Variants in TASP1 observed in about 807,000 individuals in gnomAD.
TASP1 encodes threonine aspartase 1.
Under a neutral mutation model 56.6 loss-of-function variants are expected in TASP1, and 16 were observed. The observed-to-expected ratio is 0.28, with a 90% CI of 0.19 to 0.43. The LOEUF (loss-of-function observed/expected upper bound fraction) is 0.43, where lower values mean the gene tolerates loss of function less well. Among genes scored for constraint, TASP1 ranks in the 20% least tolerant of loss-of-function variants. TASP1 has a pLI of 1.00. For missense variants in TASP1, 393 were observed against 511.6 expected (o/e 0.77, Z 2.24); for synonymous variants, 179 against 184.2 (o/e 0.97, Z 0.23).
chr20:13,372,557 A>G, the TASP1 span, among the ~76,000 whole-genome samples: 1 of 151,338 alleles, frequency 6.6e-6, no homozygotes, highest in African/African-American at 2.4e-5. Context: ...GTAATTTTAT[A>G]TATATACATA....
chr20:13,469,792 C>CTTTTTT lies in TASP1; in HGVS notation c.985+13429_985+13434dup, dbSNP rs546419566. Among the ~76,000 whole-genome samples, 384 of 39,554 alleles carry CTTTTTT rather than the reference C, an allele frequency of 9.7e-3. 88 individuals are homozygous for CTTTTTT. The highest frequency in any genetic ancestry group is 0.017 in the East Asian group (17 of 1,010). The allele number at this position is 39,554 out of a possible 152,430, so 25.9% of individuals were successfully genotyped here. A position where few individuals can be genotyped will look rare whatever the true frequency, so the allele number is the denominator to read the frequency against. On this transcript the variant is annotated intron_variant, in intron 11 of 13. Transcript: ENST00000337743. ...ACAGTTGTCCAGGTCAATAAATGTC[C>CTTTTTT]TTTTTTTTTTTTTTTTTTTTTTTTT...
intron 13 of TASP1, 114 bp downstream of exon 13, chr20:13,417,330 GACCA>G: frequency 1.1e-6 from 1 of 876,432 alleles, no homozygotes; most frequent in Non-Finnish European, 1.8e-6. Context: ...TGCTTATGAA[GACCA>G]CAAAGCTACT....
chr20:13,516,559 A>G (rs1291837248), intron 10 of TASP1, among the ~76,000 whole-genome samples: 2 of 152,032 alleles, frequency 1.3e-5, no homozygotes, highest in East Asian at 3.9e-4. Flanking sequence ...CCACAATGGG[A>G]AGGAAAAGGC....
rs7274840 is a variant in TASP1 at position 13,540,868 on chromosome 20, T to C, written c.676-6727A>G. Among the ~76,000 whole-genome samples, 771 of 152,214 alleles carry C rather than the reference T, an allele frequency of 5.1e-3. 4 individuals carry two copies. Among genetic ancestry groups the C allele is most frequent in the African/African-American group, 0.015 (629 of 41,530 alleles). On this transcript the variant is annotated intron_variant, in intron 8 of 13. Transcript: ENST00000337743. ...GCATGCATTTTACTGTGTGTAAATT[T>C]TACCTGTAAAAAAGGCAAAAAAAAA...
intron 12 of TASP1, among the ~76,000 whole-genome samples, chr20:13,421,104 CCTTCT>C (rs1284860866): frequency 1.5e-5 from 2 of 137,742 alleles, no homozygotes; most frequent in African/African-American, 2.6e-5. Flanking sequence ...ATAGCGTTTT[CCTTCT>C]TTTTTTTTTT....
chr20:13,274,108 C>G, the TASP1 span, among the ~76,000 whole-genome samples: 1 of 151,922 alleles, frequency 6.6e-6, no homozygotes, highest in Non-Finnish European at 1.5e-5. Context: ...CACAAACACA[C>G]CCACACACCA....
At chr20:13,451,750 T>C (rs2043627931) in intron 11 of TASP1, among the ~76,000 whole-genome samples, 1 of 152,138 alleles carries the variant, frequency 6.6e-6, no homozygotes, top group African/African-American at 2.4e-5. Flanking sequence ...GTAGCACTTT[T>C]TAATTTCCTT....
chr20:13,383,054 G>A, the TASP1 span, among the ~76,000 whole-genome samples: 1 of 152,138 alleles, frequency 6.6e-6, no homozygotes, highest in Non-Finnish European at 1.5e-5. Context: ...CTTCTGAGAT[G>A]GGAGGGTGTG....
chr20:13,295,165 C>T, the TASP1 span, among the ~76,000 whole-genome samples: 1 of 152,196 alleles, frequency 6.6e-6, no homozygotes, highest in Non-Finnish European at 1.5e-5. Flanking sequence ...CCAAAGTCCA[C>T]CAGCCACCAA....
chr20:13,160,463 T>C, the TASP1 span, among the ~76,000 whole-genome samples: 9 of 152,214 alleles, frequency 5.9e-5, no homozygotes, highest in African/African-American at 2.2e-4. Context: ...CTTAATTACA[T>C]GCATCCTGAC....
intron 4 of TASP1, among the ~76,000 whole-genome samples, chr20:13,617,565 C>T (rs866605247): frequency 1.1e-4 from 16 of 152,088 alleles, no homozygotes; most frequent in Middle Eastern, 3.4e-3. Flanking sequence ...TACTGGGGGG[C>T]AGGGGGCGCT....
chr20:13,280,011 T>G, the TASP1 span: 2 of 1,038,280 alleles, frequency 1.9e-6, no homozygotes, highest in Non-Finnish European at 2.7e-6. Flanking sequence ...TGGTCTTCTG[T>G]GAGGCAAACC....
intron 9 of TASP1, among the ~76,000 whole-genome samples, chr20:13,533,704 C>T (rs1459259309): frequency 6.6e-6 from 1 of 152,010 alleles, no homozygotes; most frequent in African/African-American, 2.4e-5. Flanking sequence ...AAGAGAGTGA[C>T]ATTTACAGAG....
chr20:13,377,279 C>T, the TASP1 span, among the ~76,000 whole-genome samples: 36 of 152,220 alleles, frequency 2.4e-4, 2 homozygotes, highest in African/African-American at 7.0e-4. Context: ...GTTTTTAGCA[C>T]GAAGGGCTGT....
the TASP1 span, among the ~76,000 whole-genome samples, chr20:13,377,129 G>C: frequency 6.6e-6 from 1 of 152,200 alleles, no homozygotes; most frequent in Non-Finnish European, 1.5e-5. Flanking sequence ...GGAGTGGTGA[G>C]AGCGGGCATG....
the TASP1 span, among the ~76,000 whole-genome samples, chr20:13,144,180 C>G: frequency 4.6e-5 from 7 of 152,212 alleles, no homozygotes; most frequent in Admixed American, 2.0e-4. Flanking sequence ...AAACTTGTGT[C>G]CACAAGATGT....
chr20:13,282,549 T>TCA, the TASP1 span, among the ~76,000 whole-genome samples: 1 of 152,196 alleles, frequency 6.6e-6, no homozygotes, highest in Non-Finnish European at 1.5e-5. Flanking sequence ...TCAGCCACCC[T>TCA]CACCCCCAGC....
chr20:13,316,677 A>G, the TASP1 span, among the ~76,000 whole-genome samples: 341 of 152,064 alleles, frequency 2.2e-3, no homozygotes, highest in Non-Finnish European at 3.3e-3. Flanking sequence ...TAAAAAAGAA[A>G]GATCACATGA....
chr20:13,627,783 G>T (rs371970213), intron 2 of TASP1, among the ~76,000 whole-genome samples: 4 of 150,298 alleles, frequency 2.7e-5, no homozygotes, highest in East Asian at 1.9e-4. Context: ...GCCTTGAAAG[G>T]AATGTGGCTA....
Sources: allele counts gnomAD v4.1 joint callset (sites outside exome capture counted in the v4.1 genomes callset), GRCh38; gene constraint gnomAD v4.1.1; transcripts MANE v1.5; gene names NCBI Gene and HGNC (gene_info 2026-07-23, HGNC 2026-07-21).